PCDH15: variants seen among roughly 807,000 people sequenced by gnomAD.
The protein encoded by PCDH15 is protocadherin related 15, also known as protocadherin-15.
Under a neutral mutation model 178.5 loss-of-function variants are expected in PCDH15, and 129 were observed. That is an observed-to-expected ratio of 0.72 (90% confidence interval 0.63 to 0.84). The LOEUF is 0.84. Among genes scored for constraint, PCDH15 ranks in the 40% least tolerant of loss-of-function variants. The pLI, the probability that PCDH15 is intolerant of heterozygous loss-of-function variation, is 0.00. For synonymous variants in PCDH15, 800 were observed against 732.0 expected, an observed-to-expected ratio of 1.09 and a Z score of -1.50; for missense variants, 2,230 against 2,099.9, an observed-to-expected ratio of 1.06 and a Z score of -1.21.
chr10:54,521,963 A>T (rs1215288419), intron 3 of PCDH15, among the ~76,000 whole-genome samples: 5 of 151,284 alleles, frequency 3.3e-5, no homozygotes, highest in South Asian at 2.1e-4. Flanking sequence ...TGGTGGGTGC[A>T]TGTGGTCCTA....
chr10:54,735,906 A>G (rs1365587965), intron 1 of PCDH15, among the ~76,000 whole-genome samples: 1 of 137,412 alleles, frequency 7.3e-6, no homozygotes, highest in Non-Finnish European at 1.6e-5. Flanking sequence ...TGGGAGATAT[A>G]CCTAATGCTA....
intron 2 of PCDH15, among the ~76,000 whole-genome samples, chr10:55,345,235 T>G (rs928591605): frequency 4.7e-5 from 7 of 147,904 alleles, no homozygotes; most frequent in Admixed American, 1.4e-4. Context: ...TTAATCAACA[T>G]TTTCAGGAAA....
At chr10:54,628,402 C>G (rs900406577) in intron 2 of PCDH15, among the ~76,000 whole-genome samples, 2 of 152,038 alleles carry the variant, frequency 1.3e-5, no homozygotes, top group Non-Finnish European at 2.9e-5. Flanking sequence ...GTGACTTTTC[C>G]TCTCACTTTA....
intron 2 of PCDH15, among the ~76,000 whole-genome samples, chr10:55,354,268 C>T (rs982902469): frequency 2.0e-5 from 3 of 152,086 alleles, no homozygotes; most frequent in Admixed American, 2.0e-4. Flanking sequence ...ACTCTGATCC[C>T]TGAAAACAAT....
At chr10:53,835,477 G>T (rs1449995486) in intron 29 of PCDH15, among the ~76,000 whole-genome samples, 1 of 152,130 alleles carries the variant, frequency 6.6e-6, no homozygotes, top group African/African-American at 2.4e-5. Flanking sequence ...ACAAAAAAGT[G>T]CCAGGTTATA....
At chr10:55,429,162 C>A (rs1838825251) in intron 2 of PCDH15, among the ~76,000 whole-genome samples, 1 of 151,958 alleles carries the variant, frequency 6.6e-6, no homozygotes, top group African/African-American at 2.4e-5. Context: ...CATGTAGTAA[C>A]CATTTCTAGT....
intron 1 of PCDH15, among the ~76,000 whole-genome samples, chr10:54,746,023 T>C (rs1345107252): frequency 1.3e-5 from 2 of 152,206 alleles, no homozygotes; most frequent in Non-Finnish European, 2.9e-5. Context: ...AAATCCTTCA[T>C]TCATAAATAA....
chr10:54,046,528 ACACT>A (rs1252689100), intron 18 of PCDH15, among the ~76,000 whole-genome samples: 7 of 152,172 alleles, frequency 4.6e-5, no homozygotes, highest in Admixed American at 1.3e-4. Flanking sequence ...TAATGCACAC[ACACT>A]CTAAAATTCT....
At chr10:53,967,253 T>C (rs2610905) in intron 21 of PCDH15, among the ~76,000 whole-genome samples, 115,153 of 151,942 alleles carry the variant, frequency 0.76, 43,988 homozygotes, top group East Asian at 1. Context: ...AAGAAGGATG[T>C]GTTTGCTTCC....
chr10:54,687,849 T>C (rs1324634641), intron 1 of PCDH15, among the ~76,000 whole-genome samples: 2 of 152,048 alleles, frequency 1.3e-5, no homozygotes, highest in African/African-American at 4.8e-5. Flanking sequence ...ATGCCCATCC[T>C]TGAACAATAT....
chr10:55,424,814 G>A (rs997435100), intron 2 of PCDH15, among the ~76,000 whole-genome samples: 3 of 151,792 alleles, frequency 2.0e-5, no homozygotes, highest in Non-Finnish European at 2.9e-5. Context: ...CAATTTCTAG[G>A]CCTCTGCTTG....
chr10:54,577,874 A>T (rs1473402691), intron 2 of PCDH15, among the ~76,000 whole-genome samples: 1 of 150,858 alleles, frequency 6.6e-6, no homozygotes, highest in East Asian at 1.9e-4. Flanking sequence ...AAATAAATAA[A>T]TAAATAAATA....
intron 2 of PCDH15, among the ~76,000 whole-genome samples, chr10:55,379,213 A>T (rs756318095): frequency 2.0e-5 from 3 of 151,986 alleles, no homozygotes; most frequent in Non-Finnish European, 4.4e-5. Flanking sequence ...TACAGATGTA[A>T]CTGTAAATAA....
At chr10:54,112,888 G>A (rs1249406145) in intron 15 of PCDH15, among the ~76,000 whole-genome samples, 1 of 152,260 alleles carries the variant, frequency 6.6e-6, no homozygotes, top group East Asian at 1.9e-4. Context: ...AAACTTCAAA[G>A]GAGAGCACTA....
chr10:54,413,074 T>A (rs946626002), intron 3 of PCDH15, among the ~76,000 whole-genome samples: 1 of 152,226 alleles, frequency 6.6e-6, no homozygotes, highest in South Asian at 2.1e-4. Flanking sequence ...CATGAACATA[T>A]GTTTAGCAGG....
At chr10:54,056,937 G>A (rs977873367) in intron 18 of PCDH15, among the ~76,000 whole-genome samples, 4 of 152,252 alleles carry the variant, frequency 2.6e-5, no homozygotes, top group Non-Finnish European at 4.4e-5. Context: ...CAGGCCCCAC[G>A]CAAGTCCAAA....
At chr10:55,254,265 T>G (rs971411819) in intron 1 of PCDH15, among the ~76,000 whole-genome samples, 6 of 152,166 alleles carry the variant, frequency 3.9e-5, no homozygotes, top group Middle Eastern at 3.2e-3. Context: ...TAAGGTAGGT[T>G]TTTCAAAAGA....
At chr10:54,039,414 C>T (rs2093490402) in intron 18 of PCDH15, among the ~76,000 whole-genome samples, 1 of 151,894 alleles carries the variant, frequency 6.6e-6, no homozygotes, top group South Asian at 2.1e-4. Context: ...GTTATCATTA[C>T]ATAGCCCCTC....
chr10:53,925,136 C>A (rs1170613378), intron 25 of PCDH15, among the ~76,000 whole-genome samples: 1 of 152,140 alleles, frequency 6.6e-6, no homozygotes, highest in Non-Finnish European at 1.5e-5. Context: ...GTGGAAGCTT[C>A]ATTCTTTCAC....
Sources: gnomAD v4.1 joint callset for allele counts (sites outside exome capture counted in the v4.1 genomes callset) on GRCh38, gnomAD v4.1.1 for gene constraint, MANE v1.5 for transcripts, NCBI Gene and HGNC (gene_info 2026-07-23, HGNC 2026-07-21) for gene names.